LAMA4: variants seen among roughly 807,000 people sequenced by gnomAD.
LAMA4 encodes the protein laminin subunit alpha-4.
Under a neutral mutation model 207.1 loss-of-function variants are expected in LAMA4, and 127 were observed. That is an observed-to-expected ratio of 0.61 (90% CI 0.53 to 0.71). The LOEUF is 0.71. LAMA4 is among the 30% of genes least tolerant of loss of function. The probability of loss-of-function intolerance (pLI) is 0.00; values close to 1 mark genes in which losing one functional copy is unlikely to be tolerated. For missense variants in LAMA4, 2,093 were observed against 2,246.5 expected, an observed-to-expected ratio of 0.93 and a Z score of 1.38; for synonymous variants, 761 against 816.0, an observed-to-expected ratio of 0.93 and a Z score of 1.15.
chr6:112,119,792 A>G (rs1778241502), intron 33 of LAMA4, among the ~76,000 whole-genome samples: 1 of 152,164 alleles, frequency 6.6e-6, no homozygotes, highest in Non-Finnish European at 1.5e-5. Flanking sequence ...AACAGGCCAT[A>G]TGTTCTCTCC....
chr6:112,140,611 G>T (rs2114699094), intron 22 of LAMA4, 149 bp downstream of exon 22: 2 of 736,652 alleles, frequency 2.7e-6, no homozygotes, highest in East Asian at 2.7e-5. Flanking sequence ...TACACATCAG[G>T]TTTATAGATT....
intron 17 of LAMA4, 117 bp from the exon 18 acceptor site, chr6:112,148,453 AAAGT>A: frequency 2.8e-6 from 3 of 1,086,178 alleles, no homozygotes; most frequent in Non-Finnish European, 4.1e-6. Flanking sequence ...CTCTTAAGCA[AAAGT>A]AAGATTTTTG....
At chr6:112,189,019 T>C in intron 7 of LAMA4, 91 bp downstream of exon 7, 1 of 943,288 alleles carries the variant, frequency 1.1e-6, no homozygotes. Flanking sequence ...CAGCAGTTTC[T>C]AGAGAGTGAT....
intron 12 of LAMA4, among the ~76,000 whole-genome samples, chr6:112,167,380 T>C (rs1472815877): frequency 3.3e-5 from 5 of 152,042 alleles, no homozygotes; most frequent in Admixed American, 2.0e-4. Context: ...CCAGCCTGGG[T>C]GACAGAGTAA....
chr6:112,125,294 G>A (rs1778623899), intron 31 of LAMA4, among the ~76,000 whole-genome samples: 1 of 152,052 alleles, frequency 6.6e-6, no homozygotes. Flanking sequence ...CTGTTCAATG[G>A]CCAGCTCAGG....
chr6:112,198,232 A>G (rs558391735), intron 5 of LAMA4, among the ~76,000 whole-genome samples: 1 of 152,126 alleles, frequency 6.6e-6, no homozygotes, highest in East Asian at 1.9e-4. Context: ...GGGCTCAGGA[A>G]TCCAAAGTTT....
chr6:112,183,455 C>T (rs1782484126), intron 9 of LAMA4, among the ~76,000 whole-genome samples: 1 of 151,986 alleles, frequency 6.6e-6, no homozygotes, highest in Admixed American at 6.6e-5. Flanking sequence ...GGTGGTCTGC[C>T]CTTCTTGTCC....
chr6:112,134,804 TC>T (rs1380477310), intron 25 of LAMA4, among the ~76,000 whole-genome samples, 195 bp from the exon 26 acceptor site: 1 of 152,210 alleles, frequency 6.6e-6, no homozygotes, highest in African/African-American at 2.4e-5. Flanking sequence ...AAGCAGCAGT[TC>T]ACACTTTCTG....
rs781844907 is a variant in LAMA4 at position 112,118,926 on chromosome 6, C to T, written c.4821+230G>A. On this transcript the variant is annotated intron_variant, in intron 34 of 38. Coordinates refer to ENST00000230538, the MANE Select transcript of LAMA4 (RefSeq NM_001105206.3). The surrounding 1 kb of genome is among the most constrained non-coding windows in gnomAD (Gnocchi z 4.6). ...TTCATGATAATTTATGCCTCTGAAA[C>T]TTTTTCATTTGACATCTACCTTAGA... is the stretch of plus-strand genomic sequence containing the variant. Among the ~76,000 whole-genome samples, 1 of 152,042 alleles carries T rather than the reference C, an allele frequency of 6.6e-6. No individual in the cohort carries two copies. The highest frequency in any genetic ancestry group is 1.5e-5 in the Non-Finnish European group (1 of 68,016).
In LAMA4 at chr6:112,241,871, T is replaced by C. The variant is rs147558169; in HGVS notation, c.195+12085A>G. ...CTGGAGGAAGAGCAATTGGCAATTT[T>C]CATTTTGGGGAACTGGGTCTTCCCT... On this transcript the variant is annotated intron_variant, in intron 2 of 38. Coordinates refer to ENST00000230538, the MANE Select transcript of LAMA4 (RefSeq NM_001105206.3). Among the ~76,000 whole-genome samples, 911 of 152,258 alleles carry C rather than the reference T, an allele frequency of 6.0e-3. 14 individuals are homozygous for C. The highest frequency in any genetic ancestry group is 0.021 in the African/African-American group (868 of 41,554).
At chr6:112,163,529 A>G (rs1417805294) in intron 13 of LAMA4, among the ~76,000 whole-genome samples, 1 of 151,978 alleles carries the variant, frequency 6.6e-6, no homozygotes, top group Non-Finnish European at 1.5e-5. Flanking sequence ...TGGTGTTTAG[A>G]GGAGGGAGGG....
rs782086889 is a variant in LAMA4, at chr6:112,114,189, C to T, written c.5213G>A (p.Arg1738Lys). 1.2e-6 allele frequency: 2 copies of T among 1,613,874 alleles called. No individual in the cohort carries two copies. Among genetic ancestry groups the T allele is most frequent in the Admixed American group, 3.3e-5 (2 of 59,984 alleles). The change falls in exon 38 of 39, where the codon AGA (arginine) becomes AAA (lysine). Residue 1738 changes from arginine to lysine, a missense_variant. This residue lies in a region of LAMA4 where 383 missense variants were observed against 437.8 expected (regional missense o/e 0.87). Coordinates refer to ENST00000230538, the MANE Select transcript of LAMA4 (RefSeq NM_001105206.3). ...ATCCAACTGAACCACATTAGAATCT[C>T]TAATAACTGAAATGCAGGGCAAAGA... ...DGRWHRITVIRDSNVVQLDVD... is the reference protein window; with the variant it reads ...DGRWHRITVIKDSNVVQLDVD...
chr6:112,133,941 C>G (rs1387169105), intron 26 of LAMA4, among the ~76,000 whole-genome samples: 1 of 152,166 alleles, frequency 6.6e-6, no homozygotes, highest in Non-Finnish European at 1.5e-5. Context: ...GATTTGAACA[C>G]AGGTCTTCAG....
intron 5 of LAMA4, 59 bp downstream of exon 5, chr6:112,201,549 G>T: frequency 7.4e-7 from 1 of 1,347,540 alleles, no homozygotes; most frequent in Non-Finnish European, 1.1e-6. Flanking sequence ...GCTGTTGAGT[G>T]TGAGAAACAG....
At chr6:112,176,067 A>T (rs1702666750) in intron 10 of LAMA4, among the ~76,000 whole-genome samples, 1 of 152,206 alleles carries the variant, frequency 6.6e-6, no homozygotes, top group Admixed American at 6.5e-5. Context: ...AGGGTTTGTT[A>T]TAATATGATG....
At chr6:112,158,517 A>G (rs868961480) in intron 14 of LAMA4, among the ~76,000 whole-genome samples, 9 of 151,878 alleles carry the variant, frequency 5.9e-5, no homozygotes, top group Non-Finnish European at 1.2e-4. Context: ...ATTGCAATGA[A>G]CAATGATGGA....
At chr6:112,194,851 T>C (rs1176608352) in intron 5 of LAMA4, among the ~76,000 whole-genome samples, 2 of 152,126 alleles carry the variant, frequency 1.3e-5, no homozygotes, top group Non-Finnish European at 2.9e-5. Flanking sequence ...TATTTTTTCT[T>C]CCGTAATCTC....
At chr6:112,242,779 C>G (rs1786611163) in intron 2 of LAMA4, among the ~76,000 whole-genome samples, 1 of 152,212 alleles carries the variant, frequency 6.6e-6, no homozygotes, top group African/African-American at 2.4e-5. Context: ...ATGTTGTGTT[C>G]TGCAAGATTC....
At chr6:112,223,181 A>G (rs1413376213) in intron 2 of LAMA4, among the ~76,000 whole-genome samples, 2 of 147,498 alleles carry the variant, frequency 1.4e-5, no homozygotes, top group Admixed American at 6.8e-5. Context: ...ATGCTGCCAG[A>G]TTTTTTTTTT....
Sources: gnomAD v4.1 joint callset for allele counts (sites outside exome capture counted in the v4.1 genomes callset) on GRCh38, gnomAD v4.1.1 for gene constraint, gnomAD v4.1.1 regional missense constraint, Gnocchi (gnomAD v3.1) non-coding constraint, MANE v1.5 for transcripts, NCBI Gene and HGNC (gene_info 2026-07-23, HGNC 2026-07-21) for gene names.